Variants in ARHGAP39 observed in about 807,000 individuals in gnomAD.
ARHGAP39 encodes the protein rho GTPase-activating protein 39.
ARHGAP39 carries 44 observed loss-of-function variants against 106.9 expected under a neutral mutation model. The ratio of observed to expected loss-of-function variants is 0.41; its 90% CI spans 0.32 to 0.53. The LOEUF (loss-of-function observed/expected upper bound fraction) is 0.53. ARHGAP39 is among the 20% of genes least tolerant of loss of function. ARHGAP39 has a pLI of 0.21. For synonymous variants in ARHGAP39, 768 were observed against 693.2 expected, an observed-to-expected ratio of 1.11 and a Z score of -1.69; for missense variants, 1,496 against 1,577.3, an observed-to-expected ratio of 0.95 and a Z score of 0.87.
intron 1 of ARHGAP39, among the ~76,000 whole-genome samples, chr8:144,653,410 G>A (rs747945284): frequency 1.3e-5 from 2 of 152,202 alleles, no homozygotes; most frequent in African/African-American, 2.4e-5. Context: ...AGTCCATCAA[G>A]TTATAAACAC....
intron 1 of ARHGAP39, among the ~76,000 whole-genome samples, chr8:144,668,296 C>T (rs1419767150): frequency 6.6e-6 from 1 of 152,090 alleles, no homozygotes; most frequent in Non-Finnish European, 1.5e-5. Context: ...CAAAAATTAG[C>T]TGAGCACAGT....
upstream of ARHGAP39, among the ~76,000 whole-genome samples, chr8:144,686,265 C>T (rs893268004): frequency 2.6e-5 from 4 of 152,126 alleles, no homozygotes; most frequent in African/African-American, 4.8e-5. Context: ...TTCCTCAGTC[C>T]TTCTTGTGGC....
chr8:144,678,847 A>G (rs1412297110), intron 1 of ARHGAP39, among the ~76,000 whole-genome samples: 1 of 152,140 alleles, frequency 6.6e-6, no homozygotes, highest in Non-Finnish European at 1.5e-5. Context: ...TCATCTGAGC[A>G]GCTATGTGGC....
At position 144,647,894 on chromosome 8, in the gene ARHGAP39, C is replaced by T. The variant is rs1821485267; in HGVS notation, c.-82+37792G>A. 6.6e-6 allele frequency among the ~76,000 whole-genome samples: 1 copy of T among 152,212 alleles called. No individual in the cohort carries two copies. The highest frequency in any genetic ancestry group is 1.5e-5 in the Non-Finnish European group (1 of 68,032). On this transcript the variant is annotated intron_variant, in intron 1 of 11. Coordinates refer to ENST00000377307, the MANE Select transcript of ARHGAP39 (RefSeq NM_025251.3). This position sits in a 1 kb window ranked among gnomAD's most constrained non-coding sequence, Gnocchi z 4.8. ...TAAGTCCATATCCAGACTCATTGCCCTGAAGGACTAAAAGCTACCAGAGAC... is the reference window on the plus strand; with the variant it reads ...TAAGTCCATATCCAGACTCATTGCCTTGAAGGACTAAAAGCTACCAGAGAC...
At chr8:144,613,413 C>A (rs1437495773) in intron 1 of ARHGAP39, among the ~76,000 whole-genome samples, 1 of 151,882 alleles carries the variant, frequency 6.6e-6, no homozygotes, top group Non-Finnish European at 1.5e-5. Flanking sequence ...TGAACTAGTT[C>A]AGCTGTTGTG....
intron 4 of ARHGAP39, among the ~76,000 whole-genome samples, chr8:144,553,225 C>T (rs961003862): frequency 2.6e-4 from 39 of 152,310 alleles, no homozygotes; most frequent in African/African-American, 7.2e-4. Flanking sequence ...ATGTTAGCAC[C>T]GCTGTAATTG....
intron 1 of ARHGAP39, among the ~76,000 whole-genome samples, chr8:144,621,186 G>A (rs960886782): frequency 3.9e-5 from 6 of 152,276 alleles, no homozygotes; most frequent in Admixed American, 6.5e-5. Flanking sequence ...CCTGGACTCT[G>A]CAGGCCAACC....
chr8:144,575,589 C>T (rs563880385), intron 3 of ARHGAP39, among the ~76,000 whole-genome samples: 2 of 152,160 alleles, frequency 1.3e-5, no homozygotes, highest in Admixed American at 1.3e-4. Flanking sequence ...GAAAGCAACA[C>T]ACGTGGAGCC....
Position 144,641,373 on chromosome 8 carries a change from T to C in ARHGAP39, c.-81-35678A>G, listed in dbSNP as rs887626856. Among the ~76,000 whole-genome samples the C allele has an allele frequency of 6.6e-6, 1 of 151,782 alleles. No individual in the cohort carries two copies. Among genetic ancestry groups the C allele is most frequent in the Admixed American group, 6.6e-5 (1 of 15,250 alleles). The stretch of plus-strand genomic sequence containing the variant: ...TCTGTCAAGCAGAAATGAGACAACA[T>C]GGAGATGCAGACGCAGGCAGATGAT... On this transcript the variant is annotated intron_variant, in intron 1 of 11. Transcript: ENST00000377307. This position sits in a 1 kb window ranked among gnomAD's most constrained non-coding sequence, Gnocchi z 5.2.
chr8:144,602,322 C>A (rs566393166), intron 2 of ARHGAP39, among the ~76,000 whole-genome samples: 1 of 96,080 alleles, frequency 1.0e-5, no homozygotes, highest in Non-Finnish European at 2.0e-5. Context: ...TGCATGGAGG[C>A]GTGCGTGCGA....
In ARHGAP39 at chr8:144,533,330, G is replaced by A. The variant is rs780761855; in HGVS notation, c.2689-5C>T. 3.1e-6 allele frequency: 5 copies of A among 1,612,112 alleles called. No homozygotes were observed. In the Admixed American group the frequency reaches 6.7e-5, roughly 21 times the overall value. On this transcript the variant is annotated splice_region_variant and splice_polypyrimidine_tract_variant and intron_variant, in intron 8 of 11. Transcript: ENST00000377307. ...CACGTTGGGCTTCTTCAGCCCCTGTGAAGACAGAGGCTCCGTCCTGGTCTG... is the reference window on the plus strand; with the variant it reads ...CACGTTGGGCTTCTTCAGCCCCTGTAAAGACAGAGGCTCCGTCCTGGTCTG...
chr8:144,651,018 GCT>G (rs1821561817), intron 1 of ARHGAP39, among the ~76,000 whole-genome samples: 1 of 152,096 alleles, frequency 6.6e-6, no homozygotes, highest in Non-Finnish European at 1.5e-5. Flanking sequence ...CAGCCCAAAA[GCT>G]CTTTCATCAA....
At chr8:144,581,334 C>G in intron 2 of ARHGAP39, 57 bp from the exon 3 acceptor site, 1 of 1,482,108 alleles carries the variant, frequency 6.7e-7, no homozygotes, top group Non-Finnish European at 9.1e-7. Flanking sequence ...CCCGCGCCTC[C>G]CACCCCTGCA....
Position 144,547,413 on chromosome 8 carries a change from C to G in ARHGAP39, c.1673G>C (p.Arg558Pro), listed in dbSNP as rs982551002. Residue 558 changes from arginine (R) to proline (P), a missense_variant, in exon 5 of 12, where the codon CGG becomes CCG. Physicochemically the swap from Arg to Pro is moderately radical, Grantham distance 103. Coordinates refer to ENST00000377307, the MANE Select transcript of ARHGAP39 (RefSeq NM_025251.3). This position sits in a 1 kb window ranked among gnomAD's most constrained non-coding sequence, Gnocchi z 5.2. ...GGCCTGCTGCGCCTCCCAGGCCAGC[C>G]GAGCCTGCGCCAGGAAGGGCTCGGC... Reference protein sequence around the residue: ...GAAEPFLAQARLAWEAQQAHF... With the variant: ...GAAEPFLAQAPLAWEAQQAHF... 6.3e-7 allele frequency: 1 copy of G among 1,590,614 alleles called. No homozygotes were observed.
intron 10 of ARHGAP39, 131 bp downstream of exon 10, chr8:144,532,174 G>A: frequency 1.3e-6 from 1 of 768,256 alleles, no homozygotes; most frequent in Non-Finnish European, 2.2e-6. Flanking sequence ...GGGAGGATGT[G>A]CTAGAAGTGA....
chr8:144,562,166 CA>C lies in ARHGAP39; in HGVS notation c.513-6524del, dbSNP rs547525948. Among the ~76,000 whole-genome samples, 170 of 149,782 alleles carry C rather than the reference CA, an allele frequency of 1.1e-3. 1 individual carries two copies. The highest frequency in any genetic ancestry group is 4.1e-3 in the African/African-American group (164 of 40,488). On this transcript the variant is annotated intron_variant, in intron 3 of 11. Coordinates refer to ENST00000377307, the MANE Select transcript of ARHGAP39 (RefSeq NM_025251.3). ...TACTCCAGTGGTTTCCATCAGACCC[CA>C]GTGCTTTCCATCACATCCCAGTGGT... is the stretch of plus-strand genomic sequence containing the variant.
intron 1 of ARHGAP39, among the ~76,000 whole-genome samples, chr8:144,621,984 A>G (rs772531469): frequency 5.3e-5 from 8 of 152,262 alleles, no homozygotes; most frequent in African/African-American, 1.9e-4. Context: ...CAGAATGCAC[A>G]ATGTTAAGGG....
At position 144,530,629 on chromosome 8, in the gene ARHGAP39, C is replaced by A. The variant is rs764415224; in HGVS notation, c.3151-13G>T. 7.4e-5 allele frequency: 64 copies of A among 862,660 alleles called. No individual in the cohort carries two copies. The highest frequency in any genetic ancestry group is 8.9e-5 in the Non-Finnish European group (62 of 698,748). The allele number at this position is 862,660 out of a possible 1,614,324, so 53.4% of individuals were successfully genotyped here. On this transcript the variant is annotated splice_polypyrimidine_tract_variant and intron_variant, in intron 11 of 11. Transcript: ENST00000377307. ...GCTGCACGAAGACCTGGTGGAGGAG[C>A]GAGGGTGGGCGCGGAGGGGCGGGGG...
At chr8:144,666,467 G>T (rs920354246) in intron 1 of ARHGAP39, among the ~76,000 whole-genome samples, 1 of 152,116 alleles carries the variant, frequency 6.6e-6, no homozygotes, top group Non-Finnish European at 1.5e-5. Flanking sequence ...AATGTGAATT[G>T]TATCTCCCAG....
Sources: gnomAD v4.1 joint callset for allele counts (sites outside exome capture counted in the v4.1 genomes callset) on GRCh38, gnomAD v4.1.1 for gene constraint, Gnocchi (gnomAD v3.1) non-coding constraint, MANE v1.5 for transcripts, NCBI Gene and HGNC (gene_info 2026-07-23, HGNC 2026-07-21) for gene names.